The following SMYD3 variants were observed in gnomAD, a reference collection of about 807,000 sequenced individuals.
SMYD3 encodes histone-lysine N-methyltransferase SMYD3.
In SMYD3, 36 loss-of-function variants were observed where a neutral mutation model predicts 57.7. The observed-to-expected ratio is 0.62, with a 90% CI of 0.48 to 0.82. The LOEUF (loss-of-function observed/expected upper bound fraction) is 0.82, where lower values mean the gene tolerates loss of function less well. Among genes scored for constraint, SMYD3 ranks in the 40% least tolerant of loss-of-function variants. SMYD3 has a pLI of 0.00. For missense variants in SMYD3, 515 were observed against 538.8 expected (o/e 0.96, Z 0.44); for synonymous variants, 211 against 195.0 (o/e 1.08, Z -0.68).
intron 11 of SMYD3, among the ~76,000 whole-genome samples, chr1:245,762,509 C>A (rs571953326): frequency 3.9e-5 from 6 of 152,216 alleles, no homozygotes; most frequent in African/African-American, 1.2e-4. Context: ...CTGACAAGTA[C>A]CCCCAGACCA....
At chr1:245,784,256 G>C (rs1281807604) in intron 10 of SMYD3, among the ~76,000 whole-genome samples, 1 of 152,234 alleles carries the variant, frequency 6.6e-6, no homozygotes, top group Non-Finnish European at 1.5e-5. Flanking sequence ...GGAAAAGCTA[G>C]TTTGGAAGTG....
intron 5 of SMYD3, among the ~76,000 whole-genome samples, chr1:246,185,161 T>G (rs956869285): frequency 6.6e-6 from 1 of 152,238 alleles, no homozygotes; most frequent in African/African-American, 2.4e-5. Flanking sequence ...ATTTTTCTTC[T>G]TATCTAAAAA....
intron 5 of SMYD3, among the ~76,000 whole-genome samples, chr1:245,935,972 T>A (rs1443897847): frequency 6.6e-6 from 1 of 152,166 alleles, no homozygotes; most frequent in Non-Finnish European, 1.5e-5. Flanking sequence ...CACAGCATGA[T>A]GACTACAGTT....
At chr1:246,141,384 T>C (rs1191572367) in intron 5 of SMYD3, among the ~76,000 whole-genome samples, 2 of 152,248 alleles carry the variant, frequency 1.3e-5, no homozygotes, top group Admixed American at 6.5e-5. Flanking sequence ...AAAAGCCTAA[T>C]GGTAAAACAA....
rs573157164 is a variant in SMYD3 at position 245,757,966 on chromosome 1, G to C, written c.1185+6075C>G. Among the ~76,000 whole-genome samples the C allele has an allele frequency of 5.3e-4, 80 of 152,192 alleles. No individual in the cohort carries two copies. The South Asian group carries it at 0.016, about 31-fold the overall frequency. ...ATTTTTCTACTTCTTCCCCAAAAAA[G>C]CCATTGGGATTTTGATAGAGATTGC... On this transcript the variant is annotated intron_variant, in intron 11 of 11. Coordinates refer to ENST00000490107, the MANE Select transcript of SMYD3 (RefSeq NM_001167740.2).
In SMYD3 at chr1:245,777,809, C is replaced by T. The variant is rs149612302; in HGVS notation, c.1077-13660G>A. On this transcript the variant is annotated intron_variant, in intron 10 of 11. Transcript: ENST00000490107. ...GATGAGCTCCACTGCGTACTCCACA[C>T]TCTGCAGCTGAAGTCCAAGCAAGTT... is the stretch of plus-strand genomic sequence containing the variant. 1.6e-3 allele frequency among the ~76,000 whole-genome samples: 248 copies of T among 152,310 alleles called. 4 individuals are homozygous for T. In the East Asian group the frequency reaches 0.039, roughly 24 times the overall value.
At chr1:246,160,689 C>T (rs2062102774) in intron 5 of SMYD3, among the ~76,000 whole-genome samples, 3 of 152,200 alleles carry the variant, frequency 2.0e-5, no homozygotes, top group African/African-American at 7.2e-5. Flanking sequence ...TGACGTCTCT[C>T]ATGATTTCCA....
chr1:245,774,886 G>A (rs548377602), intron 10 of SMYD3, among the ~76,000 whole-genome samples: 35 of 152,156 alleles, frequency 2.3e-4, no homozygotes, highest in Non-Finnish European at 4.0e-4. Context: ...TTTTTTTGGT[G>A]GAGACGGGGT....
chr1:245,771,237 A>C (rs937783108), intron 10 of SMYD3, among the ~76,000 whole-genome samples: 9 of 152,194 alleles, frequency 5.9e-5, no homozygotes, highest in Non-Finnish European at 1.0e-4. Flanking sequence ...AATTGCACAG[A>C]AACTACAATA....
intron 10 of SMYD3, among the ~76,000 whole-genome samples, chr1:245,766,845 C>T (rs986000416): frequency 2.0e-5 from 3 of 152,118 alleles, no homozygotes; most frequent in African/African-American, 7.2e-5. Flanking sequence ...AGGTACCTGC[C>T]CCGGTAGCTC....
chr1:245,752,375 C>T (rs930449595), intron 11 of SMYD3, among the ~76,000 whole-genome samples: 1 of 152,196 alleles, frequency 6.6e-6, no homozygotes, highest in African/African-American at 2.4e-5. Context: ...TCAGAATTTC[C>T]AGACCAGCCT....
At chr1:245,848,732 T>C (rs938421296) in intron 10 of SMYD3, among the ~76,000 whole-genome samples, 2 of 152,098 alleles carry the variant, frequency 1.3e-5, no homozygotes, top group African/African-American at 4.8e-5. Flanking sequence ...ATTTCTTATG[T>C]CCTGGCCTGG....
chr1:245,964,163 G>T (rs1179237560), intron 5 of SMYD3, among the ~76,000 whole-genome samples: 1 of 152,118 alleles, frequency 6.6e-6, no homozygotes, highest in Non-Finnish European at 1.5e-5. Context: ...GGGAAGGAGA[G>T]CCAGACTCTT....
At chr1:246,351,232 A>C (rs2065818123) in intron 2 of SMYD3, among the ~76,000 whole-genome samples, 3 of 152,242 alleles carry the variant, frequency 2.0e-5, no homozygotes, top group African/African-American at 7.2e-5. Context: ...GCTTTTAAAA[A>C]GTATATAAAT....
rs2063400731 is a variant in SMYD3, at chr1:246,230,977, CTT to C, written c.531+96222_531+96223del. On this transcript the variant is annotated intron_variant, in intron 5 of 11. Transcript: ENST00000490107. Reference sequence around the variant, plus strand: ...CTCTCTCAGTTACTCAGTTTCCTAACTTTGACAGAACTATTTATCATATGATG... The same window carrying C: ...CTCTCTCAGTTACTCAGTTTCCTAACTGACAGAACTATTTATCATATGATG... 2.0e-5 allele frequency among the ~76,000 whole-genome samples: 3 copies of C among 152,336 alleles called. No homozygotes were observed. The East Asian group carries it at 5.8e-4, about 29-fold the overall frequency.
chr1:246,177,105 A>G (rs565316081), intron 5 of SMYD3, among the ~76,000 whole-genome samples: 22 of 152,328 alleles, frequency 1.4e-4, no homozygotes, highest in African/African-American at 5.3e-4. Context: ...GCTTGGTTAA[A>G]TCTTTTCAAA....
chr1:245,872,514 G>A (rs138649738), intron 8 of SMYD3, among the ~76,000 whole-genome samples: 78 of 152,164 alleles, frequency 5.1e-4, no homozygotes, highest in African/African-American at 1.7e-3. Flanking sequence ...GCCTTCTCCC[G>A]TCGGGCAGCC....
chr1:246,335,995 A>G (rs1422608120), intron 2 of SMYD3, among the ~76,000 whole-genome samples: 1 of 152,194 alleles, frequency 6.6e-6, no homozygotes, highest in Non-Finnish European at 1.5e-5. Context: ...AAAAAGAACT[A>G]TTAGCTAAAA....
chr1:245,981,847 A>T (rs2058603827), intron 5 of SMYD3, among the ~76,000 whole-genome samples: 1 of 152,230 alleles, frequency 6.6e-6, no homozygotes, highest in Non-Finnish European at 1.5e-5. Context: ...AAAGAATTCC[A>T]TACTATTTCT....
Sources: gnomAD v4.1 joint callset for allele counts (sites outside exome capture counted in the v4.1 genomes callset) on GRCh38, gnomAD v4.1.1 for gene constraint, MANE v1.5 for transcripts, NCBI Gene and HGNC (gene_info 2026-07-23, HGNC 2026-07-21) for gene names.